The following AFF3 variants were observed in gnomAD, a reference collection of about 807,000 sequenced individuals.
The protein encoded by AFF3 is ALF transcription elongation factor 3, also known as AF4/FMR2 family member 3.
In AFF3, 32 loss-of-function variants were observed where a neutral mutation model predicts 129.7. The observed-to-expected ratio is 0.25, with a 90% confidence interval of 0.19 to 0.33. The LOEUF is 0.33. Ranked by LOEUF, AFF3 falls within the 10% of genes least tolerant of loss-of-function variation. AFF3 has a pLI of 1.00. For synonymous variants in AFF3, 644 were observed against 635.4 expected, an observed-to-expected ratio of 1.01 and a Z score of -0.20; for missense variants, 1,373 against 1,592.0, an observed-to-expected ratio of 0.86 and a Z score of 2.34.
At chr2:99,987,583 T>C (rs570953504) in intron 7 of AFF3, among the ~76,000 whole-genome samples, 1 of 152,336 alleles carries the variant, frequency 6.6e-6, no homozygotes, top group African/African-American at 2.4e-5. Context: ...GGGCATTTGT[T>C]TTCAAGCACT....
intron 1 of AFF3, among the ~76,000 whole-genome samples, chr2:100,137,720 C>T (rs529688442): frequency 7.2e-5 from 11 of 152,324 alleles, no homozygotes; most frequent in South Asian, 2.1e-4. Context: ...TCCTGAGGGT[C>T]ACCTAGCCTC....
chr2:99,758,755 C>T (rs1682334201), intron 8 of AFF3, among the ~76,000 whole-genome samples: 3 of 152,068 alleles, frequency 2.0e-5, no homozygotes, highest in South Asian at 4.1e-4. Flanking sequence ...ATTGCCATCT[C>T]CATAGTACAG....
rs1035810540 is a variant in AFF3 at position 99,547,688 on chromosome 2, C to T, written c.*3786G>A. The T allele has an allele frequency of 2.4e-5, 5 of 210,420 alleles. No individual in the cohort carries two copies. The highest frequency in any genetic ancestry group is 5.9e-5 in the Admixed American group (1 of 16,966). The allele number at this position is 210,420 out of a possible 1,614,324, so 13.0% of individuals were successfully genotyped here. ...TGATGCGAACACGCAGTGACTCATA[C>T]TCAATATTAGGCACTAGTAATATCC... On this transcript the variant is annotated 3_prime_UTR_variant, in exon 25 of 25. Transcript: ENST00000672756.
chr2:99,944,726 T>C (rs987909409), intron 7 of AFF3, among the ~76,000 whole-genome samples: 2 of 152,138 alleles, frequency 1.3e-5, no homozygotes, highest in African/African-American at 2.4e-5. Context: ...AGACAAGGCA[T>C]TGGGTGACAG....
At chr2:99,839,793 G>A (rs1373139890) in intron 7 of AFF3, among the ~76,000 whole-genome samples, 1 of 151,756 alleles carries the variant, frequency 6.6e-6, no homozygotes, top group South Asian at 2.1e-4. Flanking sequence ...TTTATTTTTA[G>A]TAGAGTTGGG....
chr2:100,087,888 A>G (rs1689571521), intron 4 of AFF3, among the ~76,000 whole-genome samples: 1 of 147,390 alleles, frequency 6.8e-6, no homozygotes, highest in Admixed American at 6.8e-5. Flanking sequence ...AAAGTATATT[A>G]AAGTATATTA....
chr2:99,610,760 G>A (rs972242722), intron 13 of AFF3, among the ~76,000 whole-genome samples: 1 of 152,058 alleles, frequency 6.6e-6, no homozygotes, highest in African/African-American at 2.4e-5. Context: ...AGTCTGGGTG[G>A]GGATTTCTTT....
At chr2:99,898,626 T>C (rs1032017100) in intron 7 of AFF3, among the ~76,000 whole-genome samples, 8 of 152,166 alleles carry the variant, frequency 5.3e-5, no homozygotes, top group Admixed American at 2.0e-4. Flanking sequence ...CTGCACTTGC[T>C]CACGTTGACA....
intron 11 of AFF3, among the ~76,000 whole-genome samples, chr2:99,697,644 C>A (rs1166793710): frequency 6.6e-6 from 1 of 152,236 alleles, no homozygotes; most frequent in East Asian, 1.9e-4. Flanking sequence ...CTGGTAAGGA[C>A]CCAGGTTCTG....
intron 7 of AFF3, among the ~76,000 whole-genome samples, chr2:99,965,802 C>T (rs762869614): frequency 1.5e-4 from 23 of 152,162 alleles, no homozygotes; most frequent in Non-Finnish European, 3.1e-4. Flanking sequence ...AGAAGTGGGG[C>T]GAGCTCTCAA....
intron 7 of AFF3, among the ~76,000 whole-genome samples, chr2:99,844,845 G>A (rs903011681): frequency 1.3e-5 from 2 of 152,054 alleles, no homozygotes; most frequent in Admixed American, 6.6e-5. Context: ...ATTTTCCAGT[G>A]GATGTGCTGC....
intron 2 of AFF3, among the ~76,000 whole-genome samples, chr2:100,126,592 C>T (rs1466680887): frequency 1.3e-5 from 2 of 152,194 alleles, no homozygotes; most frequent in African/African-American, 4.8e-5. Context: ...AGGCACTTAA[C>T]TTACTCCCAG....
At chr2:99,853,148 A>C (rs924086309) in intron 7 of AFF3, among the ~76,000 whole-genome samples, 9 of 152,232 alleles carry the variant, frequency 5.9e-5, no homozygotes, top group Non-Finnish European at 1.0e-4. Context: ...TTAAAAAAAT[A>C]ACATGTCAAG....
chr2:99,919,503 G>A (rs1485729467), intron 7 of AFF3, among the ~76,000 whole-genome samples: 1 of 152,006 alleles, frequency 6.6e-6, no homozygotes, highest in Non-Finnish European at 1.5e-5. Context: ...ATTTTATGTT[G>A]AATAGGTGAA....
At chr2:99,967,649 A>G (rs1385612471) in intron 7 of AFF3, among the ~76,000 whole-genome samples, 1 of 152,224 alleles carries the variant, frequency 6.6e-6, no homozygotes, top group Non-Finnish European at 1.5e-5. Context: ...TCACCAGAGA[A>G]AAAAGCACAC....
intron 4 of AFF3, among the ~76,000 whole-genome samples, chr2:100,090,950 A>G (rs1291484419): frequency 6.6e-6 from 1 of 152,114 alleles, no homozygotes; most frequent in African/African-American, 2.4e-5. Flanking sequence ...TCGGCCTCCC[A>G]AAGTGCTGGG....
intron 7 of AFF3, among the ~76,000 whole-genome samples, chr2:99,943,791 G>C (rs1228987433): frequency 1.3e-5 from 2 of 152,104 alleles, no homozygotes; most frequent in Non-Finnish European, 2.9e-5. Flanking sequence ...TCTAACAATG[G>C]AGCTGATGAG....
chr2:99,824,836 G>A lies in AFF3; in HGVS notation c.921+12641C>T, dbSNP rs142132407. ...ACGGCACTTTTCTAGAATTTCTGAG[G>A]TACAAGTGGGCCCAGGAATGGAGTT... On this transcript the variant is annotated intron_variant, in intron 8 of 24. Transcript: ENST00000672756. 1.4e-4 allele frequency among the ~76,000 whole-genome samples: 22 copies of A among 152,292 alleles called. 2 individuals carry two copies. The East Asian group carries it at 4.2e-3, about 29-fold the overall frequency.
chr2:100,105,574 A>C lies in AFF3; in HGVS notation c.-135T>G. On this transcript the variant is annotated 5_prime_UTR_variant, in exon 3 of 25. Coordinates refer to ENST00000672756, the MANE Select transcript of AFF3 (RefSeq NM_001386135.1). Reference sequence around the variant, plus strand: ...CCGCCCGTCTCCGGTCTGGAAAGGCAGGTGATCAGCTAGAAGGGTGATAAG... The same window carrying C: ...CCGCCCGTCTCCGGTCTGGAAAGGCCGGTGATCAGCTAGAAGGGTGATAAG... 7.5e-7 allele frequency: 1 copy of C among 1,332,942 alleles called. No individual in the cohort carries two copies. The highest frequency in any genetic ancestry group is 9.9e-7 in the Non-Finnish European group (1 of 1,005,506). The allele number at this position is 1,332,942 out of a possible 1,614,324, so 82.6% of individuals were successfully genotyped here. A position where few individuals can be genotyped will look rare whatever the true frequency, so the allele number is the denominator to read the frequency against.
Sources: allele counts gnomAD v4.1 joint callset (sites outside exome capture counted in the v4.1 genomes callset), GRCh38; gene constraint gnomAD v4.1.1; transcripts MANE v1.5; gene names NCBI Gene and HGNC (gene_info 2026-07-23, HGNC 2026-07-21).